Variants in CTNNA3 observed in about 807,000 individuals in gnomAD.
The protein encoded by CTNNA3 is catenin alpha 3, also known as catenin alpha-3.
In CTNNA3, 76 loss-of-function variants were observed where a neutral mutation model predicts 95.7. The ratio of observed to expected loss-of-function variants is 0.79; its 90% CI spans 0.66 to 0.96. CTNNA3 has a LOEUF of 0.96. CTNNA3 is among the 40% of genes least tolerant of loss of function. The pLI is 0.00. For synonymous variants in CTNNA3, 431 were observed against 374.4 expected (o/e 1.15, Z -1.74); for missense variants, 1,191 against 1,089.8 (o/e 1.09, Z -1.31).
chr10:66,613,446 T>G (rs1844399542), intron 10 of CTNNA3, among the ~76,000 whole-genome samples: 1 of 151,870 alleles, frequency 6.6e-6, no homozygotes, highest in African/African-American at 2.4e-5. Flanking sequence ...TTCCTTGGAG[T>G]AGGTGGAAGA....
At chr10:66,479,980 C>CACACACACACACA (rs1469514267) in intron 11 of CTNNA3, among the ~76,000 whole-genome samples, 3 of 100,586 alleles carry the variant, frequency 3.0e-5, no homozygotes, top group African/African-American at 1.3e-4. Flanking sequence ...ACACACACAC[C>CACACACACACACA]CCAGAACTTT....
chr10:67,689,434 A>G (rs1029683043), intron 1 of CTNNA3, among the ~76,000 whole-genome samples: 1 of 152,152 alleles, frequency 6.6e-6, no homozygotes, highest in African/African-American at 2.4e-5. Flanking sequence ...TATACTAGAA[A>G]TCATTCTTAT....
At chr10:66,666,703 T>G (rs1846463310) in intron 9 of CTNNA3, among the ~76,000 whole-genome samples, 1 of 152,056 alleles carries the variant, frequency 6.6e-6, no homozygotes, top group Non-Finnish European at 1.5e-5. Flanking sequence ...AGAACAGAAT[T>G]TTTCTTTCTT....
At chr10:67,272,994 A>G (rs1839044474) in intron 5 of CTNNA3, among the ~76,000 whole-genome samples, 1 of 152,146 alleles carries the variant, frequency 6.6e-6, no homozygotes, top group Non-Finnish European at 1.5e-5. Flanking sequence ...TCTCTCACAT[A>G]AAGTCCCATA....
chr10:66,297,590 A>C (rs2091799672), intron 12 of CTNNA3, among the ~76,000 whole-genome samples: 1 of 152,164 alleles, frequency 6.6e-6, no homozygotes, highest in Admixed American at 6.5e-5. Context: ...TAGAGTCTCA[A>C]ATATGCTCAG....
At chr10:66,378,024 T>C (rs2092808276) in intron 12 of CTNNA3, among the ~76,000 whole-genome samples, 1 of 150,500 alleles carries the variant, frequency 6.6e-6, no homozygotes, top group African/African-American at 2.4e-5. Flanking sequence ...CCAAGATTCA[T>C]CAATGATTTT....
intron 12 of CTNNA3, among the ~76,000 whole-genome samples, chr10:66,353,794 GA>G (rs1340381133): frequency 7.2e-5 from 11 of 151,974 alleles, no homozygotes; most frequent in Admixed American, 2.0e-4. Flanking sequence ...TGTAACAGGG[GA>G]AAGGGATCGC....
intron 5 of CTNNA3, among the ~76,000 whole-genome samples, chr10:67,515,701 T>TA (rs1244680058): frequency 2.0e-5 from 3 of 152,168 alleles, no homozygotes; most frequent in Non-Finnish European, 4.4e-5. Context: ...CACTTACCCT[T>TA]AAAAGGAATA....
At chr10:67,098,628 G>GT (rs1256284185) in intron 7 of CTNNA3, 2 of 152,302 alleles carry the variant, frequency 1.3e-5, no homozygotes, top group Non-Finnish European at 2.9e-5. Flanking sequence ...ATTGTTAAGG[G>GT]TTGGGGGAAA....
chr10:66,071,861 A>T (rs1207392290), intron 14 of CTNNA3, among the ~76,000 whole-genome samples: 1 of 152,172 alleles, frequency 6.6e-6, no homozygotes. Context: ...TCAGAACTCT[A>T]TTTATAATAT....
In CTNNA3 at chr10:66,385,529, C is replaced by T. The variant is rs551667928; in HGVS notation, c.1532-6177G>A. ...CCAGAGATACAAAGAGGAGCTGGTA[C>T]CATTCCTTCTGAAACTATTCCAATC... On this transcript the variant is annotated intron_variant, in intron 11 of 17. Transcript: ENST00000433211. 4.6e-5 allele frequency among the ~76,000 whole-genome samples: 7 copies of T among 152,284 alleles called. No homozygotes were observed. The South Asian group carries it at 1.5e-3, about 32-fold the overall frequency.
intron 7 of CTNNA3, among the ~76,000 whole-genome samples, chr10:66,839,314 G>T (rs1842973438): frequency 6.6e-6 from 1 of 152,078 alleles, no homozygotes; most frequent in African/African-American, 2.4e-5. Context: ...AAGGAGAGAA[G>T]GGGTAGCTGT....
chr10:66,173,666 GA>G (rs2085553273), intron 13 of CTNNA3, among the ~76,000 whole-genome samples: 1 of 152,030 alleles, frequency 6.6e-6, no homozygotes, highest in South Asian at 2.1e-4. Flanking sequence ...ATGGGCAACA[GA>G]CAGAGACCCT....
chr10:67,378,926 A>G (rs1283809790), intron 5 of CTNNA3, among the ~76,000 whole-genome samples: 1 of 152,192 alleles, frequency 6.6e-6, no homozygotes, highest in Non-Finnish European at 1.5e-5. Flanking sequence ...TATGAGATAC[A>G]TGTCAAATAA....
chr10:67,125,029 G>A (rs1369613012), intron 7 of CTNNA3, among the ~76,000 whole-genome samples: 2 of 152,138 alleles, frequency 1.3e-5, no homozygotes, highest in South Asian at 4.1e-4. Flanking sequence ...GAGCTCTGCT[G>A]GAACTGCAGT....
At chr10:66,506,020 A>T (rs72793603) in intron 11 of CTNNA3, among the ~76,000 whole-genome samples, 1 of 152,116 alleles carries the variant, frequency 6.6e-6, no homozygotes, top group Admixed American at 6.6e-5. Flanking sequence ...TGAGGGCTTC[A>T]GGCTGCTTCC....
chr10:67,097,179 A>T (rs184737101), intron 7 of CTNNA3, among the ~76,000 whole-genome samples: 7 of 151,822 alleles, frequency 4.6e-5, no homozygotes, highest in Admixed American at 4.6e-4. Flanking sequence ...AAGTTTGAGA[A>T]TCACTCTTGT....
chr10:67,562,972 G>T (rs918915516), intron 3 of CTNNA3, among the ~76,000 whole-genome samples: 1 of 152,010 alleles, frequency 6.6e-6, no homozygotes, highest in African/African-American at 2.4e-5. Flanking sequence ...ACAAACTACT[G>T]CTCAATGAAA....
At chr10:65,973,536 C>T (rs555781367) in intron 16 of CTNNA3, among the ~76,000 whole-genome samples, 4 of 152,034 alleles carry the variant, frequency 2.6e-5, no homozygotes, top group South Asian at 2.1e-4. Flanking sequence ...GTAAATGGTA[C>T]GAGTTAGGTC....
Sources: allele counts gnomAD v4.1 joint callset (sites outside exome capture counted in the v4.1 genomes callset), GRCh38; gene constraint gnomAD v4.1.1; transcripts MANE v1.5; gene names NCBI Gene and HGNC (gene_info 2026-07-23, HGNC 2026-07-21).